The following ATXN1 variants were observed in gnomAD, a reference collection of about 807,000 sequenced individuals.
ATXN1 encodes ataxin-1.
Under a neutral mutation model 56.4 loss-of-function variants are expected in ATXN1, and 8 were observed. The ratio of observed to expected loss-of-function variants is 0.14; its 90% CI spans 0.08 to 0.26. ATXN1 has a LOEUF of 0.26. Among genes scored for constraint, ATXN1 ranks in the 10% least tolerant of loss-of-function variants. ATXN1 has a pLI of 1.00. For synonymous variants in ATXN1, 514 were observed against 494.6 expected (o/e 1.04, Z -0.52); for missense variants, 987 against 1,106.5 (o/e 0.89, Z 1.53).
chr6:16,594,473 CTT>C (rs1045184703), intron 3 of ATXN1, among the ~76,000 whole-genome samples: 4 of 143,964 alleles, frequency 2.8e-5, no homozygotes, highest in African/African-American at 7.7e-5. Flanking sequence ...CCTTTTTTTC[CTT>C]TTTTTTTTTT....
chr6:16,362,454 C>T (rs1041009680), intron 6 of ATXN1, among the ~76,000 whole-genome samples: 1 of 152,070 alleles, frequency 6.6e-6, no homozygotes, highest in Non-Finnish European at 1.5e-5. Flanking sequence ...CTGTTCCTGG[C>T]CCCCACCCTC....
chr6:16,702,113 C>T (rs1411604266), intron 2 of ATXN1, among the ~76,000 whole-genome samples: 3 of 151,856 alleles, frequency 2.0e-5, no homozygotes, highest in African/African-American at 4.9e-5. Context: ...ATCAAAACAG[C>T]ATGGTACTGG....
At chr6:16,355,625 G>A (rs1244508738) in intron 6 of ATXN1, among the ~76,000 whole-genome samples, 1 of 151,148 alleles carries the variant, frequency 6.6e-6, no homozygotes, top group Non-Finnish European at 1.5e-5. Context: ...GAAGTGGCAC[G>A]ATCTCGGCTC....
rs554326656 is a variant in ATXN1, at chr6:16,302,726, C to T, written c.*3603G>A. ...CTTGGTGATTGTGTTCCATTGTAAACGCAAAAGGCCTGCTGTTACTAGTTT... is the reference window on the plus strand; with the variant it reads ...CTTGGTGATTGTGTTCCATTGTAAATGCAAAAGGCCTGCTGTTACTAGTTT... On this transcript the variant is annotated 3_prime_UTR_variant, in exon 8 of 8. Transcript: ENST00000436367. 6 of 152,432 alleles carry T rather than the reference C, an allele frequency of 3.9e-5. No homozygotes were observed. In the East Asian group the frequency reaches 5.8e-4, roughly 15 times the overall value. The allele number at this position is 152,432 out of a possible 1,614,324, so 9.4% of individuals were successfully genotyped here. A position where few individuals can be genotyped will look rare whatever the true frequency, so the allele number is the denominator to read the frequency against.
At chr6:16,708,099 A>C (rs1294685841) in intron 2 of ATXN1, among the ~76,000 whole-genome samples, 1 of 152,190 alleles carries the variant, frequency 6.6e-6, no homozygotes, top group Non-Finnish European at 1.5e-5. Context: ...AATGACATTA[A>C]AACTAAAAGA....
At chr6:16,631,153 A>G (rs1355509597) in intron 3 of ATXN1, among the ~76,000 whole-genome samples, 1 of 152,210 alleles carries the variant, frequency 6.6e-6, no homozygotes, top group Non-Finnish European at 1.5e-5. Flanking sequence ...TAAAGCTGAG[A>G]AAACAGAGGC....
chr6:16,395,535 C>A (rs1389253106), intron 6 of ATXN1, among the ~76,000 whole-genome samples: 4 of 152,058 alleles, frequency 2.6e-5, no homozygotes, highest in Non-Finnish European at 4.4e-5. Flanking sequence ...ATACATTACT[C>A]ATATGTTTGT....
intron 3 of ATXN1, among the ~76,000 whole-genome samples, chr6:16,629,226 C>T (rs141828086): frequency 1.6e-4 from 25 of 152,144 alleles, no homozygotes; most frequent in African/African-American, 5.8e-4. Context: ...TAATGACCAG[C>T]GATATTGAGC....
At chr6:16,520,908 T>A (rs926476726) in intron 5 of ATXN1, among the ~76,000 whole-genome samples, 1 of 152,224 alleles carries the variant, frequency 6.6e-6, no homozygotes, top group African/African-American at 2.4e-5. Context: ...TACGTCTGTA[T>A]GTACATAAGG....
intron 3 of ATXN1, among the ~76,000 whole-genome samples, chr6:16,625,156 C>T (rs1763386186): frequency 6.6e-6 from 1 of 152,204 alleles, no homozygotes; most frequent in South Asian, 2.1e-4. Context: ...TCTCTTCCTT[C>T]TTTCAAAGTT....
At chr6:16,483,609 T>C (rs1446733928) in intron 6 of ATXN1, among the ~76,000 whole-genome samples, 1 of 152,246 alleles carries the variant, frequency 6.6e-6, no homozygotes, top group Admixed American at 6.5e-5. Context: ...GAATTTGGTA[T>C]TTCCTTGCTC....
intron 6 of ATXN1, among the ~76,000 whole-genome samples, chr6:16,331,908 C>T (rs751850806): frequency 2.0e-5 from 3 of 152,166 alleles, no homozygotes; most frequent in Non-Finnish European, 4.4e-5. Flanking sequence ...TGAGAGACAT[C>T]GGCTTAGTCA....
At chr6:16,632,149 G>A (rs976443758) in intron 3 of ATXN1, among the ~76,000 whole-genome samples, 1 of 152,144 alleles carries the variant, frequency 6.6e-6, no homozygotes, top group African/African-American at 2.4e-5. Flanking sequence ...GGTGGATCAT[G>A]TAACAACCTC....
intron 4 of ATXN1, among the ~76,000 whole-genome samples, chr6:16,555,710 T>C (rs1761999897): frequency 6.6e-6 from 1 of 152,204 alleles, no homozygotes; most frequent in Non-Finnish European, 1.5e-5. Flanking sequence ...ATGCAGATAA[T>C]TGTGTAGTGT....
intron 6 of ATXN1, among the ~76,000 whole-genome samples, chr6:16,361,625 A>G (rs961716478): frequency 6.6e-6 from 1 of 152,222 alleles, no homozygotes; most frequent in Admixed American, 6.5e-5. Flanking sequence ...AATGACTCTC[A>G]ACTTAACTTG....
At chr6:16,673,785 G>C (rs978047579) in intron 2 of ATXN1, among the ~76,000 whole-genome samples, 1 of 152,072 alleles carries the variant, frequency 6.6e-6, no homozygotes, top group Non-Finnish European at 1.5e-5. Flanking sequence ...CTAAAGTGCT[G>C]GGATTACAGG....
At chr6:16,425,323 G>T (rs554239896) in intron 6 of ATXN1, among the ~76,000 whole-genome samples, 1 of 152,244 alleles carries the variant, frequency 6.6e-6, no homozygotes, top group Non-Finnish European at 1.5e-5. Flanking sequence ...CCTCACCCAC[G>T]TGTATTACTT....
At chr6:16,636,871 A>C (rs1763606796) in intron 3 of ATXN1, among the ~76,000 whole-genome samples, 1 of 152,232 alleles carries the variant, frequency 6.6e-6, no homozygotes, top group Non-Finnish European at 1.5e-5. Context: ...AAAGTGGAGA[A>C]ATAGGAACAC....
At chr6:16,672,786 G>A (rs1036181996) in intron 2 of ATXN1, among the ~76,000 whole-genome samples, 2 of 152,124 alleles carry the variant, frequency 1.3e-5, no homozygotes, top group African/African-American at 4.8e-5. Context: ...CTGGGAGGCC[G>A]AGGCGGGTGG....
Sources: allele counts gnomAD v4.1 joint callset (sites outside exome capture counted in the v4.1 genomes callset), GRCh38; gene constraint gnomAD v4.1.1; transcripts MANE v1.5; gene names NCBI Gene and HGNC (gene_info 2026-07-23, HGNC 2026-07-21).